DNAH3: variants seen among roughly 807,000 people sequenced by gnomAD.
The protein encoded by DNAH3 is dynein axonemal heavy chain 3.
DNAH3 carries 332 observed loss-of-function variants against 432.5 expected under a neutral mutation model. The ratio of observed to expected loss-of-function variants is 0.77; its 90% CI spans 0.70 to 0.84. The LOEUF (loss-of-function observed/expected upper bound fraction) is 0.84. Ranked by LOEUF, DNAH3 falls within the 40% of genes least tolerant of loss-of-function variation. DNAH3 has a pLI of 0.00. For synonymous variants in DNAH3, 1,956 were observed against 1,900.2 expected (o/e 1.03, Z -0.76); for missense variants, 4,861 against 5,114.0 (o/e 0.95, Z 1.51).
intron 14 of DNAH3, among the ~76,000 whole-genome samples, chr16:21,107,086 A>AC (rs145412713): frequency 0.036 from 5,489 of 152,056 alleles, 344 homozygotes; most frequent in African/African-American, 0.12. Context: ...CAAGATCTGA[A>AC]CCTGGGTTAA....
chr16:21,109,264 TTTGAGGTCAAAATGGG>T (rs574207322), intron 14 of DNAH3, among the ~76,000 whole-genome samples: 138 of 152,302 alleles, frequency 9.1e-4, no homozygotes, highest in African/African-American at 3.2e-3. Flanking sequence ...GCACATGGAC[TTTGAGGTCAAAATGGG>T]TTAATTCCCA....
At chr16:21,062,525 T>C (rs566093802) in exon 25 of DNAH3, 1 of 1,614,210 alleles carries the variant, frequency 6.2e-7, no homozygotes, top group Non-Finnish European at 8.5e-7. Context: ...TGGAACAGTT[T>C]CTTTTTCCGA....
At chr16:20,984,029 G>GAAAAAAGAAAAAAAAAAAAAAAA (rs2086051499) in intron 48 of DNAH3, among the ~76,000 whole-genome samples, 18 of 112,140 alleles carry the variant, frequency 1.6e-4, no homozygotes, top group African/African-American at 5.9e-4. Context: ...CCTATATCCA[G>GAAAAAAGAAAAAAAAAAAAAAAA]AAAAAAAAAA....
chr16:21,003,794 T>C (rs1230826086), intron 41 of DNAH3, among the ~76,000 whole-genome samples: 1 of 151,602 alleles, frequency 6.6e-6, no homozygotes, highest in Non-Finnish European at 1.5e-5. Context: ...TCAATAAATA[T>C]ATACAATTAA....
At chr16:20,969,122 T>G (rs920962298) in intron 52 of DNAH3, among the ~76,000 whole-genome samples, 45 of 129,012 alleles carry the variant, frequency 3.5e-4, no homozygotes, top group African/African-American at 1.3e-3. Flanking sequence ...GTGTGTGTGT[T>G]TCCCTGTCTC....
exon 34 of DNAH3, chr16:21,037,921 T>G: frequency 6.2e-7 from 1 of 1,614,192 alleles, no homozygotes; most frequent in Non-Finnish European, 8.5e-7. Flanking sequence ...GTCATAGTGA[T>G]GCTGAGAGGA....
At chr16:20,935,581 T>C in intron 60 of DNAH3, 96 bp from the exon 61 acceptor site, 2 of 1,387,216 alleles carry the variant, frequency 1.4e-6, no homozygotes, top group Non-Finnish European at 9.7e-7. Context: ...AATATGTTTT[T>C]TCATATTTTT....
At chr16:21,064,397 C>T (rs1194116683) in intron 24 of DNAH3, among the ~76,000 whole-genome samples, 1 of 152,194 alleles carries the variant, frequency 6.6e-6, no homozygotes, top group Non-Finnish European at 1.5e-5. Context: ...CAGCCAAGCC[C>T]AGCTCAATCT....
At chr16:20,960,682 G>A (rs1004400187) in intron 53 of DNAH3, among the ~76,000 whole-genome samples, 1 of 152,130 alleles carries the variant, frequency 6.6e-6, no homozygotes, top group African/African-American at 2.4e-5. Flanking sequence ...TCTGGCCTGG[G>A]TTACACAGCA....
chr16:21,074,145 C>A (rs1051464658), intron 21 of DNAH3, among the ~76,000 whole-genome samples: 1 of 152,022 alleles, frequency 6.6e-6, no homozygotes, highest in Non-Finnish European at 1.5e-5. Context: ...ACCTTTTCAC[C>A]CCTACAGCTC....
intron 28 of DNAH3, among the ~76,000 whole-genome samples, chr16:21,052,140 C>T (rs994772172): frequency 1.6e-4 from 24 of 152,062 alleles, no homozygotes; most frequent in East Asian, 3.9e-4. Context: ...TATAGGCGCA[C>T]GCCACCACAC....
intron 41 of DNAH3, chr16:21,019,059 A>C (rs1312289132): frequency 6.6e-6 from 1 of 152,192 alleles, no homozygotes; most frequent in Non-Finnish European, 1.5e-5. Flanking sequence ...TTTTGCAAAA[A>C]TAAAACAGTC....
chr16:21,148,267 A>G (rs1449376630), intron 1 of DNAH3, among the ~76,000 whole-genome samples: 1 of 152,044 alleles, frequency 6.6e-6, no homozygotes, highest in Non-Finnish European at 1.5e-5. Flanking sequence ...AATACTATCT[A>G]CCATTATTCC....
rs545206062 is a variant in DNAH3 at position 20,978,924 on chromosome 16, A to G, written c.8076+406T>C. Among the ~76,000 whole-genome samples the G allele has an allele frequency of 9.2e-5, 14 of 152,154 alleles. No individual in the cohort carries two copies. In the East Asian group the frequency reaches 1.9e-3, roughly 21 times the overall value. On this transcript the variant is annotated intron_variant, in intron 50 of 61. Transcript: ENST00000261383. Reference sequence around the variant, plus strand: ...CCTGGCTCTACAGCTGGTATGCTGTAGAGATAAATTTGGGCCCAGATCTGA... The same window carrying G: ...CCTGGCTCTACAGCTGGTATGCTGTGGAGATAAATTTGGGCCCAGATCTGA...
At chr16:20,951,421 T>G (rs1221183113) in intron 56 of DNAH3, among the ~76,000 whole-genome samples, 1 of 151,810 alleles carries the variant, frequency 6.6e-6, no homozygotes, top group Non-Finnish European at 1.5e-5. Context: ...ATGTTTCTCT[T>G]GTTGAACTTA....
At chr16:21,121,978 C>T (rs1472373651) in exon 10 of DNAH3, 1 of 1,612,622 alleles carries the variant, frequency 6.2e-7, no homozygotes, top group African/African-American at 1.3e-5. Flanking sequence ...TAATAATTTC[C>T]AGGAAAGAGT....
chr16:20,987,822 A>G, exon 46 of DNAH3: 5 of 1,614,198 alleles, frequency 3.1e-6, no homozygotes, highest in Non-Finnish European at 4.2e-6. Flanking sequence ...AAATTGTCTT[A>G]GTAGCTTGGA....
At chr16:20,942,490 C>G (rs1049487960) in intron 58 of DNAH3, among the ~76,000 whole-genome samples, 1 of 152,166 alleles carries the variant, frequency 6.6e-6, no homozygotes, top group Non-Finnish European at 1.5e-5. Flanking sequence ...ACTCCTACAT[C>G]GGGATACACC....
At chr16:20,982,008 A>G (rs2085928403) in intron 49 of DNAH3, among the ~76,000 whole-genome samples, 1 of 147,946 alleles carries the variant, frequency 6.8e-6, no homozygotes, top group South Asian at 2.1e-4. Context: ...AATATATAAT[A>G]TATATAATTA....
Sources: allele counts gnomAD v4.1 joint callset (sites outside exome capture counted in the v4.1 genomes callset), GRCh38; gene constraint gnomAD v4.1.1; transcripts MANE v1.5; gene names NCBI Gene and HGNC (gene_info 2026-07-23, HGNC 2026-07-21).